Variants in MEGF10 observed in about 807,000 individuals in gnomAD.
MEGF10 encodes multiple EGF like domains 10, also known as multiple epidermal growth factor-like domains protein 10.
A neutral mutation model predicts 147.5 loss-of-function variants in MEGF10; 86 were observed. The observed-to-expected ratio is 0.58, with a 90% CI of 0.49 to 0.70. The LOEUF (loss-of-function observed/expected upper bound fraction) is 0.70. MEGF10 is among the 30% of genes least tolerant of loss of function. The pLI is 0.00. For missense variants in MEGF10, 1,329 were observed against 1,487.3 expected (o/e 0.89, Z 1.75); for synonymous variants, 478 against 525.5 (o/e 0.91, Z 1.24).
intron 19 of MEGF10, 76 bp from the exon 20 acceptor site, chr5:127,445,378 AAGG>A: frequency 9.7e-7 from 1 of 1,026,680 alleles, no homozygotes; most frequent in Non-Finnish European, 1.5e-6. Flanking sequence ...ATTAGCACAG[AAGG>A]AGGTTTTTGT....
the MEGF10 span, among the ~76,000 whole-genome samples, chr5:127,260,612 G>A: frequency 1.4e-4 from 21 of 152,322 alleles, no homozygotes; most frequent in East Asian, 3.9e-4. Flanking sequence ...AGTTGGCTAC[G>A]TGGTGGAGAG....
At chr5:127,250,963 T>C in the MEGF10 span, among the ~76,000 whole-genome samples, 1 of 151,846 alleles carries the variant, frequency 6.6e-6, no homozygotes, top group Non-Finnish European at 1.5e-5. Flanking sequence ...AACTGTAAAA[T>C]ATAGAAAAAA....
the MEGF10 span, among the ~76,000 whole-genome samples, chr5:127,283,482 A>G: frequency 1.5e-3 from 221 of 152,320 alleles, 1 homozygote; most frequent in African/African-American, 4.9e-3. Context: ...TATGTTTACA[A>G]GAATATCCTA....
chr5:127,353,012 C>T (rs1762141587), intron 4 of MEGF10, among the ~76,000 whole-genome samples: 1 of 152,200 alleles, frequency 6.6e-6, no homozygotes, highest in South Asian at 2.1e-4. Context: ...CATTAGGCCT[C>T]CTTTCCCAAG....
At chr5:127,419,972 G>A (rs571933994) in intron 11 of MEGF10, 72 bp from the exon 12 acceptor site, 2 of 1,540,288 alleles carry the variant, frequency 1.3e-6, no homozygotes, top group East Asian at 2.3e-5. Context: ...AGAGAAACGT[G>A]GTTTGGAAAG....
chr5:127,340,659 T>G (rs1245144485), intron 4 of MEGF10, 29 bp downstream of exon 4: 1 of 1,587,672 alleles, frequency 6.3e-7, no homozygotes. Flanking sequence ...CCTTTGAGAT[T>G]CGCTAGTTTT....
the MEGF10 span, among the ~76,000 whole-genome samples, chr5:127,252,430 G>A: frequency 2.0e-5 from 3 of 151,720 alleles, no homozygotes; most frequent in African/African-American, 4.8e-5. Flanking sequence ...TGAATACTAT[G>A]CAGCTATTAA....
At chr5:127,433,184 G>A (rs1282940014) in intron 13 of MEGF10, among the ~76,000 whole-genome samples, 179 bp from the exon 14 acceptor site, 2 of 152,096 alleles carry the variant, frequency 1.3e-5, no homozygotes, top group Non-Finnish European at 2.9e-5. Context: ...AATCGGTCTG[G>A]GTATTATTTT....
intron 1 of MEGF10, among the ~76,000 whole-genome samples, chr5:127,296,791 G>A (rs979065357): frequency 2.0e-5 from 3 of 152,152 alleles, no homozygotes; most frequent in Non-Finnish European, 2.9e-5. Context: ...TTGCTTGGTG[G>A]CACAGAAGAC....
chr5:127,256,595 C>T, the MEGF10 span, among the ~76,000 whole-genome samples: 6 of 152,104 alleles, frequency 3.9e-5, no homozygotes, highest in African/African-American at 1.4e-4. Flanking sequence ...ATCTCTCTCC[C>T]TTGCAGTGAG....
At chr5:127,454,463 G>A (rs1339786103) in intron 22 of MEGF10, 103 bp from the exon 23 acceptor site, 3 of 954,432 alleles carry the variant, frequency 3.1e-6, no homozygotes, top group Non-Finnish European at 4.8e-6. Context: ...CAGCCTGGTT[G>A]TTTGCTGCAG....
At chr5:127,452,398 A>T (rs1358454006) in intron 22 of MEGF10, among the ~76,000 whole-genome samples, 2 of 152,224 alleles carry the variant, frequency 1.3e-5, no homozygotes, top group African/African-American at 2.4e-5. Context: ...GAGGCCACAG[A>T]CTGTGCCCCA....
In MEGF10 at chr5:127,420,114, C is replaced by T; in HGVS notation, c.1497C>T (p.Cys499=). Residue 499 remains cysteine (C), a synonymous_variant, in exon 12 of 25, where the codon TGC becomes TGT. Transcript: ENST00000503335. ...GGGGCTTTGGCTGTAACTTAACATGCCAGTGCCTCAACGGGGGAGCCTGCA... is the reference window on the plus strand; with the variant it reads ...GGGGCTTTGGCTGTAACTTAACATGTCAGTGCCTCAACGGGGGAGCCTGCA... ...GTWGFGCNLT[C]QCLNGGACNT... 1 of 1,614,160 alleles carries T rather than the reference C, an allele frequency of 6.2e-7. No individual in the cohort carries two copies. The highest frequency in any genetic ancestry group is 8.5e-7 in the Non-Finnish European group (1 of 1,180,042).
chr5:127,278,239 A>G, the MEGF10 span, among the ~76,000 whole-genome samples: 1 of 152,168 alleles, frequency 6.6e-6, no homozygotes, highest in African/African-American at 2.4e-5. Context: ...TATCCAGGAT[A>G]TCAAGTCAAG....
chr5:127,366,800 G>A (rs549315814), intron 4 of MEGF10, among the ~76,000 whole-genome samples: 23 of 152,254 alleles, frequency 1.5e-4, no homozygotes, highest in Admixed American at 1.4e-3. Flanking sequence ...AACATTGTGT[G>A]ATTATCTAGC....
chr5:127,425,822 G>A (rs1356632111), intron 13 of MEGF10, among the ~76,000 whole-genome samples: 4 of 152,162 alleles, frequency 2.6e-5, no homozygotes, highest in African/African-American at 9.7e-5. Flanking sequence ...CATAAGCCCA[G>A]AGAAGCAAGC....
At chr5:127,363,942 A>T (rs1159627377) in intron 4 of MEGF10, among the ~76,000 whole-genome samples, 1 of 152,148 alleles carries the variant, frequency 6.6e-6, no homozygotes, top group Non-Finnish European at 1.5e-5. Flanking sequence ...CAGGGATGGG[A>T]TGCAAGGAAA....
At chr5:127,445,401 T>G in intron 19 of MEGF10, 56 bp from the exon 20 acceptor site, 2 of 1,367,844 alleles carry the variant, frequency 1.5e-6, no homozygotes, top group Non-Finnish European at 2.1e-6. Context: ...TAAGTAGAGA[T>G]CAAACGTTTA....
chr5:127,295,360 C>T (rs1759447019), intron 1 of MEGF10, among the ~76,000 whole-genome samples: 1 of 152,140 alleles, frequency 6.6e-6, no homozygotes, highest in African/African-American at 2.4e-5. Flanking sequence ...TAACAGTTGA[C>T]CAGCTCAAGT....
Sources: allele counts gnomAD v4.1 joint callset (sites outside exome capture counted in the v4.1 genomes callset), GRCh38; gene constraint gnomAD v4.1.1; transcripts MANE v1.5; gene names NCBI Gene and HGNC (gene_info 2026-07-23, HGNC 2026-07-21).